Variants in TPR observed in about 807,000 individuals in gnomAD.
TPR encodes the protein translocated promoter region, nuclear basket protein.
In TPR, 51 loss-of-function variants were observed where a neutral mutation model predicts 316.1. That is an observed-to-expected ratio of 0.16 (90% CI 0.13 to 0.20). TPR has a LOEUF of 0.20. TPR is among the 10% of genes least tolerant of loss of function. The pLI is 1.00. For missense variants in TPR, 2,272 were observed against 2,754.8 expected (o/e 0.82, Z 3.92); for synonymous variants, 981 against 914.7 (o/e 1.07, Z -1.31).
In TPR at chr1:186,313,638, T is replaced by C. The variant is rs544556955; in HGVS notation, c.*333A>G. ...CATAAGTTATTTTTTAGTTTGGGCA[T>C]TGTTTTCTTTTTAACTAAAAAAATG... On this transcript the variant is annotated 3_prime_UTR_variant, in exon 51 of 51. Coordinates refer to ENST00000367478, the MANE Select transcript of TPR (RefSeq NM_003292.3). The C allele has an allele frequency of 9.1e-5, 106 of 1,169,972 alleles. 2 individuals are homozygous for C. The South Asian group carries it at 1.2e-3, about 13-fold the overall frequency. 72.5% of individuals were successfully genotyped at this position (1,169,972 alleles called of 1,614,324 possible).
intron 30 of TPR, among the ~76,000 whole-genome samples, 186 bp downstream of exon 30, chr1:186,339,456 T>C (rs2102070806): frequency 6.6e-6 from 1 of 152,270 alleles, no homozygotes; most frequent in South Asian, 2.1e-4. Flanking sequence ...CTCATATATA[T>C]TTTATATACA....
Position 186,362,747 on chromosome 1 carries a change from G to A in TPR, c.696+90C>T, listed in dbSNP as rs1160920579. On this transcript the variant is annotated intron_variant, in intron 6 of 50. Transcript: ENST00000367478. The stretch of plus-strand genomic sequence containing the variant: ...TAACCACTCATCTTACAACTAATCA[G>A]GTACACACTACTGAATACATATTTA... 4 of 1,163,392 alleles carry A rather than the reference G, an allele frequency of 3.4e-6. No homozygotes were observed. In the Admixed American group the frequency reaches 8.8e-5, roughly 26 times the overall value. The allele number at this position is 1,163,392 out of a possible 1,614,324, so 72.1% of individuals were successfully genotyped here.
At chr1:186,335,029 A>G (rs750798341) in intron 35 of TPR, 39 bp downstream of exon 35, 1 of 1,592,182 alleles carries the variant, frequency 6.3e-7, no homozygotes, top group African/African-American at 1.4e-5. Flanking sequence ...CCTGAGCTTT[A>G]AAAGAAAAAT....
chr1:186,349,775 A>G (rs1658803527), intron 21 of TPR, among the ~76,000 whole-genome samples: 1 of 152,180 alleles, frequency 6.6e-6, no homozygotes, highest in Non-Finnish European at 1.5e-5. Flanking sequence ...TATGAAACAA[A>G]TCTTTTACCT....
chr1:186,347,519 A>G, intron 21 of TPR, 61 bp from the exon 22 acceptor site: 1 of 1,532,090 alleles, frequency 6.5e-7, no homozygotes. Flanking sequence ...GATGACTGTT[A>G]TAAAGAGCTT....
intron 43 of TPR, 118 bp downstream of exon 43, chr1:186,323,568 G>C (rs1272001583): frequency 1.3e-5 from 12 of 954,848 alleles, no homozygotes; most frequent in Non-Finnish European, 1.7e-5. Context: ...ATACCAAAAA[G>C]TTCATGGGAT....
At chr1:186,358,935 T>TA (rs1298687552) in intron 12 of TPR, among the ~76,000 whole-genome samples, 1 of 152,082 alleles carries the variant, frequency 6.6e-6, no homozygotes. Context: ...ACACTGCTGG[T>TA]AAAAAAGTCA....
Position 186,322,415 on chromosome 1 carries a change from A to C in TPR, c.6367-3T>G. 1 of 1,612,330 alleles carries C rather than the reference A, an allele frequency of 6.2e-7. No individual in the cohort carries two copies. Among genetic ancestry groups the C allele is most frequent in the Non-Finnish European group, 8.5e-7 (1 of 1,179,434 alleles). ...TCATCATCAAAAAAATGCTGTTGCT[A>C]AAACAAAGAAAACAGAGTTAACAAA... On this transcript the variant is annotated splice_polypyrimidine_tract_variant and splice_region_variant and intron_variant, in intron 44 of 50. Coordinates refer to ENST00000367478, the MANE Select transcript of TPR (RefSeq NM_003292.3).
intron 40 of TPR, among the ~76,000 whole-genome samples, chr1:186,327,061 T>TAAA (rs1553227753): frequency 5.9e-4 from 2 of 3,362 alleles, no homozygotes; most frequent in Admixed American, 3.5e-3. Flanking sequence ...AACATATATA[T>TAAA]TATATATAAA....
chr1:186,360,199 G>C, intron 11 of TPR, 74 bp downstream of exon 11: 1 of 1,507,580 alleles, frequency 6.6e-7, no homozygotes, highest in Non-Finnish European at 9.0e-7. Context: ...AGTTTTGGGA[G>C]AATTAAATTT....
Position 186,312,511 on chromosome 1 carries a change from C to T in TPR, c.*1460G>A, listed in dbSNP as rs1657341188. The T allele has an allele frequency of 1.1e-6, 1 of 919,806 alleles. No homozygotes were observed. The highest frequency in any genetic ancestry group is 1.6e-6 in the Non-Finnish European group (1 of 618,786). The allele number at this position is 919,806 out of a possible 1,614,324, so 57.0% of individuals were successfully genotyped here. A position where few individuals can be genotyped will look rare whatever the true frequency, so the allele number is the denominator to read the frequency against. ...AGCTTACTGATGAAAAACTCATCCA[C>T]TTGCCTTAGTGAATAACCAAAGACC... On this transcript the variant is annotated 3_prime_UTR_variant, in exon 51 of 51. Coordinates refer to ENST00000367478, the MANE Select transcript of TPR (RefSeq NM_003292.3).
At chr1:186,318,990 A>C (rs1657692718) in intron 46 of TPR, among the ~76,000 whole-genome samples, 162 bp from the exon 47 acceptor site, 2 of 152,196 alleles carry the variant, frequency 1.3e-5, no homozygotes, top group African/African-American at 4.8e-5. Flanking sequence ...TCAAACTTTT[A>C]TTTTTTATTT....
At chr1:186,364,814 CAA>C (rs1659289156) in intron 4 of TPR, among the ~76,000 whole-genome samples, 1 of 152,112 alleles carries the variant, frequency 6.6e-6, no homozygotes, top group Non-Finnish European at 1.5e-5. Flanking sequence ...AACAATGCCA[CAA>C]AAGATATTTA....
Position 186,312,508 on chromosome 1 carries a change from C to T in TPR, c.*1463G>A. ...TTAAGCTTACTGATGAAAAACTCAT[C>T]CACTTGCCTTAGTGAATAACCAAAG... On this transcript the variant is annotated 3_prime_UTR_variant, in exon 51 of 51. Transcript: ENST00000367478. 2.2e-6 allele frequency: 2 copies of T among 928,068 alleles called. No individual in the cohort carries two copies. The highest frequency in any genetic ancestry group is 3.2e-6 in the Non-Finnish European group (2 of 625,282). 57.5% of individuals were successfully genotyped at this position (928,068 alleles called of 1,614,324 possible).
At chr1:186,371,073 C>T (rs748400465) in intron 2 of TPR, 30 bp from the exon 3 acceptor site, 1 of 1,568,772 alleles carries the variant, frequency 6.4e-7, no homozygotes, top group Non-Finnish European at 8.8e-7. Flanking sequence ...TGAATACATA[C>T]ACATTTGCTT....
At chr1:186,348,373 T>G (rs144421171) in intron 21 of TPR, among the ~76,000 whole-genome samples, 157 of 152,278 alleles carry the variant, frequency 1.0e-3, no homozygotes, top group Non-Finnish European at 1.6e-3. Context: ...CTGGTAAATT[T>G]GTGGTCAGAC....
At chr1:186,369,244 A>T (rs1659445938) in intron 3 of TPR, among the ~76,000 whole-genome samples, 1 of 152,174 alleles carries the variant, frequency 6.6e-6, no homozygotes, top group African/African-American at 2.4e-5. Context: ...GATTTTTAAA[A>T]CTGATTCCAT....
chr1:186,347,526 G>A, intron 21 of TPR, 68 bp from the exon 22 acceptor site: 1 of 1,466,024 alleles, frequency 6.8e-7, no homozygotes, highest in Admixed American at 2.2e-5. Context: ...GTTATAAAGA[G>A]CTTATGAAAT....
chr1:186,329,429 C>G (rs1371742867), intron 39 of TPR, among the ~76,000 whole-genome samples: 1 of 152,116 alleles, frequency 6.6e-6, no homozygotes, highest in Non-Finnish European at 1.5e-5. Flanking sequence ...AATGAGACAG[C>G]TATAAGATGC....
Sources: allele counts gnomAD v4.1 joint callset (sites outside exome capture counted in the v4.1 genomes callset), GRCh38; gene constraint gnomAD v4.1.1; transcripts MANE v1.5; gene names NCBI Gene and HGNC (gene_info 2026-07-23, HGNC 2026-07-21).